PDIA5: variants seen among roughly 807,000 people sequenced by gnomAD.
PDIA5 encodes protein disulfide-isomerase A5.
Under a neutral mutation model 77.6 loss-of-function variants are expected in PDIA5, and 58 were observed. The observed-to-expected ratio is 0.75, with a 90% CI of 0.61 to 0.93. The LOEUF is 0.93. Among genes scored for constraint, PDIA5 ranks in the 40% least tolerant of loss-of-function variants. The pLI, the probability that PDIA5 is intolerant of heterozygous loss-of-function variation, is 0.00. For missense variants in PDIA5, 630 were observed against 647.7 expected, an observed-to-expected ratio of 0.97 and a Z score of 0.30; for synonymous variants, 250 against 252.1, an observed-to-expected ratio of 0.99 and a Z score of 0.08.
At chr3:123,110,767 C>T (rs565367711) in intron 6 of PDIA5, among the ~76,000 whole-genome samples, 177 bp from the exon 7 acceptor site, 35 of 152,140 alleles carry the variant, frequency 2.3e-4, no homozygotes, top group Non-Finnish European at 4.9e-4. Flanking sequence ...CCTGGCCTGC[C>T]GCGGCTCTGC....
chr3:123,067,495 A>G (rs1933601608), intron 1 of PDIA5: 1 of 368,878 alleles, frequency 2.7e-6, no homozygotes, highest in Non-Finnish European at 4.8e-6. Context: ...GCGGGGATGC[A>G]GGTCGGGGCA....
intron 15 of PDIA5, 43 bp from the exon 16 acceptor site, chr3:123,161,278 C>A: frequency 6.2e-7 from 1 of 1,600,346 alleles, no homozygotes; most frequent in Admixed American, 1.7e-5. Context: ...CAGGCCTCAG[C>A]CTGGGGACAC....
intron 1 of PDIA5, among the ~76,000 whole-genome samples, chr3:123,074,409 G>C (rs907327346): frequency 2.0e-5 from 3 of 152,060 alleles, no homozygotes; most frequent in African/African-American, 7.2e-5. Flanking sequence ...AGAACCTCTG[G>C]GTCTTTCTTA....
chr3:123,089,479 T>C (rs1193556433), intron 2 of PDIA5, among the ~76,000 whole-genome samples, 185 bp downstream of exon 2: 1 of 152,262 alleles, frequency 6.6e-6, no homozygotes, highest in Admixed American at 6.5e-5. Context: ...TGCCACTTTC[T>C]GATCCGAGGG....
intron 1 of PDIA5, among the ~76,000 whole-genome samples, chr3:123,079,175 C>CTTTTTTTTT (rs35252405): frequency 6.4e-5 from 6 of 94,078 alleles, no homozygotes; most frequent in African/African-American, 8.6e-5. Context: ...ATTTTGAATT[C>CTTTTTTTTT]TTTTTTTTTT....
At chr3:123,112,488 GC>G (rs1934886605) in intron 7 of PDIA5, among the ~76,000 whole-genome samples, 1 of 149,438 alleles carries the variant, frequency 6.7e-6, no homozygotes, top group African/African-American at 2.5e-5. Context: ...CCTGACTTGA[GC>G]CAGTAGCTTA....
intron 11 of PDIA5, among the ~76,000 whole-genome samples, chr3:123,133,597 A>AT (rs1935420888): frequency 6.6e-6 from 1 of 152,254 alleles, no homozygotes; most frequent in Admixed American, 6.5e-5. Context: ...GAGGGGAAGC[A>AT]TCCCCTGGAT....
intron 11 of PDIA5, among the ~76,000 whole-genome samples, chr3:123,133,447 G>T (rs1935417155): frequency 6.6e-6 from 1 of 152,236 alleles, no homozygotes; most frequent in Non-Finnish European, 1.5e-5. Context: ...ATCGCTGAAT[G>T]CGCCGCTTGG....
rs565710424 is a variant in PDIA5 at position 123,089,209 on chromosome 3, G to A, written c.84G>A (p.Ser28=). 197 of 1,613,882 alleles carry A rather than the reference G, an allele frequency of 1.2e-4. No individual in the cohort carries two copies. The highest frequency in any genetic ancestry group is 6.6e-4 in the Middle Eastern group (4 of 6,060). The change falls in exon 2 of 17, where the codon TCG becomes TCA. Residue 28 remains serine, a synonymous_variant. Coordinates refer to ENST00000316218, the MANE Select transcript of PDIA5 (RefSeq NM_006810.4). ...GGCTGTCCTCTGCAAAGGTCTCCTC[G>A]CTCATTGAGAGAATCTCTGACCCCA... The part of the protein sequence containing the change: ...PSWLSSAKVS[S]LIERISDPKD...
At chr3:123,078,361 T>G (rs972926011) in intron 1 of PDIA5, among the ~76,000 whole-genome samples, 9 of 152,164 alleles carry the variant, frequency 5.9e-5, no homozygotes, top group African/African-American at 2.2e-4. Flanking sequence ...ATGCAAGAGC[T>G]GGGGGCGGTA....
At chr3:123,137,708 G>C (rs990625292) in intron 11 of PDIA5, among the ~76,000 whole-genome samples, 21 of 152,040 alleles carry the variant, frequency 1.4e-4, no homozygotes, top group African/African-American at 4.8e-4. Context: ...CGTGCCAAAG[G>C]TCACATAGCC....
chr3:123,130,657 C>T lies in PDIA5; in HGVS notation c.910+41C>T, dbSNP rs760504267. On this transcript the variant is annotated intron_variant, in intron 11 of 16. Coordinates refer to ENST00000316218, the MANE Select transcript of PDIA5 (RefSeq NM_006810.4). ...CTCCTCCCCCTCCACACCCTCCCCT[C>T]TCTCAGAGTAGGATGAGTGTGGCGC... is the stretch of plus-strand genomic sequence containing the variant. 14 of 1,608,256 alleles carry T rather than the reference C, an allele frequency of 8.7e-6. No homozygotes were observed. In the South Asian group the frequency reaches 1.5e-4, roughly 18 times the overall value.
chr3:123,129,354 G>C (rs1241815510), intron 10 of PDIA5, among the ~76,000 whole-genome samples: 2 of 152,208 alleles, frequency 1.3e-5, no homozygotes, highest in African/African-American at 2.4e-5. Flanking sequence ...GGGAGGCCAT[G>C]GTGGCCAGTG....
At chr3:123,069,962 C>A (rs757999566) in intron 1 of PDIA5, among the ~76,000 whole-genome samples, 2 of 151,734 alleles carry the variant, frequency 1.3e-5, no homozygotes, top group Admixed American at 1.3e-4. Context: ...TGGTAGCGGG[C>A]GCCTGTAGTC....
At chr3:123,078,322 G>A (rs927247116) in intron 1 of PDIA5, among the ~76,000 whole-genome samples, 1 of 152,224 alleles carries the variant, frequency 6.6e-6, no homozygotes, top group African/African-American at 2.4e-5. Flanking sequence ...CACAGAGCAA[G>A]CGCTGGGCCG....
chr3:123,099,611 G>A (rs1038452398), intron 3 of PDIA5, among the ~76,000 whole-genome samples: 4 of 152,324 alleles, frequency 2.6e-5, no homozygotes, highest in South Asian at 2.1e-4. Flanking sequence ...GCTGTGCACC[G>A]GGCTGAAACT....
chr3:123,079,329 C>T (rs1203672800), intron 1 of PDIA5, among the ~76,000 whole-genome samples: 1 of 151,638 alleles, frequency 6.6e-6, no homozygotes, highest in East Asian at 1.9e-4. Flanking sequence ...TACAGGCGCC[C>T]GCCACCACGC....
Position 123,092,351 on chromosome 3 carries a change from A to C in PDIA5, c.170-4A>C. On this transcript the variant is annotated splice_region_variant and splice_polypyrimidine_tract_variant and intron_variant, in intron 2 of 16. Transcript: ENST00000316218. ...ATGTTTAATTTTTTGTTTTTTTTTT[A>C]CAGAGGTGGCAGCTGAAAATCATCT... 1 of 1,605,040 alleles carries C rather than the reference A, an allele frequency of 6.2e-7. No individual in the cohort carries two copies.
chr3:123,123,354 C>T (rs1262450053), intron 8 of PDIA5, among the ~76,000 whole-genome samples: 1 of 152,178 alleles, frequency 6.6e-6, no homozygotes, highest in Non-Finnish European at 1.5e-5. Flanking sequence ...GACATGTGGA[C>T]CCCTGGAGCC....
Sources: gnomAD v4.1 joint callset for allele counts (sites outside exome capture counted in the v4.1 genomes callset) on GRCh38, gnomAD v4.1.1 for gene constraint, MANE v1.5 for transcripts, NCBI Gene and HGNC (gene_info 2026-07-23, HGNC 2026-07-21) for gene names.